The following PDE7B variants were observed in gnomAD, a reference collection of about 807,000 sequenced individuals.
PDE7B encodes 3',5'-cyclic-AMP phosphodiesterase 7B.
PDE7B carries 29 observed loss-of-function variants against 56.2 expected under a neutral mutation model. That is an observed-to-expected ratio of 0.52 (90% CI 0.38 to 0.70). PDE7B has a LOEUF of 0.70. Ranked by LOEUF, PDE7B falls within the 30% of genes least tolerant of loss-of-function variation. The pLI, the probability that PDE7B is intolerant of heterozygous loss-of-function variation, is 0.00. For synonymous variants in PDE7B, 197 were observed against 196.9 expected, an observed-to-expected ratio of 1.00 and a Z score of 0.00; for missense variants, 490 against 565.0, an observed-to-expected ratio of 0.87 and a Z score of 1.35.
chr6:135,944,203 TGCAGCACCCGATAATC>T (rs541554424), intron 1 of PDE7B, among the ~76,000 whole-genome samples: 1 of 152,208 alleles, frequency 6.6e-6, no homozygotes, highest in Non-Finnish European at 1.5e-5. Context: ...GGAGGAGGGT[TGCAGCACCCGATAATC>T]CAGCAGGGCA....
chr6:136,087,409 CTTT>C lies in PDE7B; in HGVS notation c.83-21318_83-21316del, dbSNP rs1022408263. On this transcript the variant is annotated intron_variant, in intron 2 of 12. Transcript: ENST00000308191. ...ATTAAAAATATATATCCCTAAGAAA[CTTT>C]TTTACTTCCAAGCAAAGAAAGAAAA... Among the ~76,000 whole-genome samples the C allele has an allele frequency of 3.6e-4, 54 of 151,934 alleles. 1 individual carries two copies. Among genetic ancestry groups the C allele is most frequent in the Non-Finnish European group, 1.5e-5 (1 of 67,960 alleles).
At chr6:135,901,215 C>T (rs1241909302) in intron 1 of PDE7B, among the ~76,000 whole-genome samples, 1 of 152,176 alleles carries the variant, frequency 6.6e-6, no homozygotes, top group Non-Finnish European at 1.5e-5. Context: ...TACATTCATA[C>T]TTGGGCTTCT....
chr6:136,055,160 T>C (rs566590557), intron 2 of PDE7B, among the ~76,000 whole-genome samples: 1 of 152,238 alleles, frequency 6.6e-6, no homozygotes. Context: ...ATTTCTGCTA[T>C]CTAAAAGGGA....
At chr6:136,015,613 G>A (rs1451020505) in intron 2 of PDE7B, among the ~76,000 whole-genome samples, 1 of 152,076 alleles carries the variant, frequency 6.6e-6, no homozygotes, top group Non-Finnish European at 1.5e-5. Flanking sequence ...AGAACGAGGG[G>A]GAAATTGTCA....
chr6:136,011,295 A>G (rs566019799), intron 2 of PDE7B, among the ~76,000 whole-genome samples: 2 of 152,266 alleles, frequency 1.3e-5, no homozygotes, highest in South Asian at 2.1e-4. Flanking sequence ...GCAATACTCA[A>G]AGGTTCCCAA....
intron 1 of PDE7B, among the ~76,000 whole-genome samples, chr6:135,856,878 A>T (rs1479287573): frequency 6.6e-6 from 1 of 152,208 alleles, no homozygotes; most frequent in African/African-American, 2.4e-5. Flanking sequence ...ACAGTATAGA[A>T]GTATGAAAAT....
chr6:136,136,430 T>C (rs970293555), intron 3 of PDE7B, among the ~76,000 whole-genome samples: 1 of 152,044 alleles, frequency 6.6e-6, no homozygotes, highest in Non-Finnish European at 1.5e-5. Flanking sequence ...GAAAGTCAGA[T>C]ATGTGAATAA....
chr6:135,902,431 A>G (rs1159682411), intron 1 of PDE7B, among the ~76,000 whole-genome samples: 3 of 152,096 alleles, frequency 2.0e-5, no homozygotes, highest in African/African-American at 7.2e-5. Flanking sequence ...TCAGCAATAG[A>G]CATAATGTGG....
At chr6:136,017,042 G>A (rs1487682950) in intron 2 of PDE7B, among the ~76,000 whole-genome samples, 4 of 152,124 alleles carry the variant, frequency 2.6e-5, no homozygotes, top group African/African-American at 9.7e-5. Flanking sequence ...TGACACAAAA[G>A]CTTTGAAAGC....
intron 3 of PDE7B, among the ~76,000 whole-genome samples, chr6:136,130,946 C>T (rs1352509891): frequency 6.6e-6 from 1 of 152,116 alleles, no homozygotes; most frequent in African/African-American, 2.4e-5. Flanking sequence ...TGGGGAAAAC[C>T]ACCCCATGAT....
At chr6:135,893,962 A>C (rs1177302141) in intron 1 of PDE7B, among the ~76,000 whole-genome samples, 1 of 152,196 alleles carries the variant, frequency 6.6e-6, no homozygotes, top group Admixed American at 6.6e-5. Context: ...TATTCCAGTT[A>C]AAAACTTGAT....
intron 2 of PDE7B, among the ~76,000 whole-genome samples, chr6:136,057,173 T>C (rs1025861429): frequency 6.6e-6 from 1 of 152,246 alleles, no homozygotes; most frequent in Non-Finnish European, 1.5e-5. Flanking sequence ...CTAATGGTTA[T>C]TATCCCACAC....
rs185799372 is a variant in PDE7B at position 136,136,152 on chromosome 6, C to G, written c.167-11199C>G. Among the ~76,000 whole-genome samples, 64 of 152,158 alleles carry G rather than the reference C, an allele frequency of 4.2e-4. No homozygotes were observed. The East Asian group carries it at 0.012, about 29-fold the overall frequency. On this transcript the variant is annotated intron_variant, in intron 3 of 12. Transcript: ENST00000308191. Reference sequence around the variant, plus strand: ...TAGAATGTGTGAAAGAGTGAAAGAGCTGTGCTGTAAATCTGCTACTTCTGC... The same window carrying G: ...TAGAATGTGTGAAAGAGTGAAAGAGGTGTGCTGTAAATCTGCTACTTCTGC...
chr6:135,869,781 GA>G (rs1775338487), intron 1 of PDE7B, among the ~76,000 whole-genome samples: 1 of 152,178 alleles, frequency 6.6e-6, no homozygotes, highest in African/African-American at 2.4e-5. Flanking sequence ...GCCAAACCTG[GA>G]AAAAGAGTGA....
At chr6:136,082,014 T>A (rs117569958) in intron 2 of PDE7B, among the ~76,000 whole-genome samples, 1 of 152,184 alleles carries the variant, frequency 6.6e-6, no homozygotes, top group Admixed American at 6.5e-5. Context: ...GCCCATGAAT[T>A]TGCCTTTCTA....
intron 1 of PDE7B, among the ~76,000 whole-genome samples, chr6:135,912,668 G>A (rs1250549418): frequency 2.0e-5 from 3 of 152,154 alleles, no homozygotes; most frequent in African/African-American, 7.2e-5. Context: ...AATAAAATGA[G>A]CAACAGCTGA....
At chr6:136,105,922 A>G (rs1456437009) in intron 2 of PDE7B, among the ~76,000 whole-genome samples, 2 of 152,348 alleles carry the variant, frequency 1.3e-5, no homozygotes, top group East Asian at 1.9e-4. Flanking sequence ...AACTTCATCA[A>G]TATTACACAG....
chr6:135,884,986 C>A (rs556964791), intron 1 of PDE7B, among the ~76,000 whole-genome samples: 1 of 152,210 alleles, frequency 6.6e-6, no homozygotes, highest in South Asian at 2.1e-4. Flanking sequence ...AGCGGCAGAG[C>A]CCACATCAAC....
In PDE7B at chr6:135,918,727, G is replaced by C. The variant is rs950807130; in HGVS notation, c.22-28737G>C. On this transcript the variant is annotated intron_variant, in intron 1 of 12. Coordinates refer to ENST00000308191, the MANE Select transcript of PDE7B (RefSeq NM_018945.4). ...AAGATAGCTCCTGTGGGTGACTTAT[G>C]CCACACAGGTGTTTAAGGTGGAAAT... Among the ~76,000 whole-genome samples, 5 of 152,142 alleles carry C rather than the reference G, an allele frequency of 3.3e-5. 1 individual carries two copies. Among genetic ancestry groups the C allele is most frequent in the Admixed American group, 3.3e-4 (5 of 15,270 alleles).
Sources: allele counts gnomAD v4.1 joint callset (sites outside exome capture counted in the v4.1 genomes callset), GRCh38; gene constraint gnomAD v4.1.1; transcripts MANE v1.5; gene names NCBI Gene and HGNC (gene_info 2026-07-23, HGNC 2026-07-21).